CACNA2D3: variants seen among roughly 807,000 people sequenced by gnomAD.
CACNA2D3 encodes the protein voltage-dependent calcium channel subunit alpha-2/delta-3.
Under a neutral mutation model 160.6 loss-of-function variants are expected in CACNA2D3, and 60 were observed. That is an observed-to-expected ratio of 0.37 (90% CI 0.30 to 0.46). The LOEUF (loss-of-function observed/expected upper bound fraction) is 0.46, where lower values mean the gene tolerates loss of function less well. Among genes scored for constraint, CACNA2D3 ranks in the 20% least tolerant of loss-of-function variants. The pLI is 1.00. For missense variants in CACNA2D3, 1,205 were observed against 1,365.0 expected, an observed-to-expected ratio of 0.88 and a Z score of 1.85; for synonymous variants, 558 against 492.9, an observed-to-expected ratio of 1.13 and a Z score of -1.75.
chr3:54,926,003 C>T (rs1701003518), intron 27 of CACNA2D3, among the ~76,000 whole-genome samples: 1 of 152,162 alleles, frequency 6.6e-6, no homozygotes, highest in South Asian at 2.1e-4. Flanking sequence ...GCAAGTCCTT[C>T]ATGGGTTATT....
intron 27 of CACNA2D3, among the ~76,000 whole-genome samples, chr3:54,948,745 G>A (rs1034134218): frequency 1.5e-4 from 23 of 152,272 alleles, no homozygotes; most frequent in African/African-American, 5.1e-4. Context: ...CTGCATGGAG[G>A]TGCTTATGTG....
At chr3:54,460,156 A>G (rs1308642688) in intron 4 of CACNA2D3, among the ~76,000 whole-genome samples, 6 of 151,748 alleles carry the variant, frequency 4.0e-5, no homozygotes, top group African/African-American at 7.3e-5. Flanking sequence ...TACCAGTACC[A>G]TGCTGTTTTG....
intron 5 of CACNA2D3, among the ~76,000 whole-genome samples, chr3:54,505,690 C>T (rs1294553189): frequency 2.0e-5 from 3 of 152,160 alleles, no homozygotes; most frequent in African/African-American, 7.2e-5. Flanking sequence ...TTTTACAGAG[C>T]AATTTCAGAC....
In CACNA2D3 at chr3:54,149,877, G is replaced by GTGTCTCTCTCTCTCTCTCTC. The variant is rs757018890; in HGVS notation, c.204+26284_204+26285insGTCTCTCTCTCTCTCTCTCT. On this transcript the variant is annotated intron_variant, in intron 2 of 37. Coordinates refer to ENST00000474759, the MANE Select transcript of CACNA2D3 (RefSeq NM_018398.3). ...TAGTAACAGAGAGGGCTGTCCTGAA[G>GTGTCTCTCTCTCTCTCTCTC]TATCTGTCTCTCTCTCTCTCTCTCT... Among the ~76,000 whole-genome samples the GTGTCTCTCTCTCTCTCTCTC allele has an allele frequency of 7.6e-5, 8 of 105,884 alleles. 1 individual carries two copies. Among genetic ancestry groups the GTGTCTCTCTCTCTCTCTCTC allele is most frequent in the Admixed American group, 1.0e-4 (1 of 9,768 alleles). 69.5% of individuals were successfully genotyped at this position (105,884 alleles called of 152,430 possible).
chr3:54,717,975 T>C (rs1559557814), intron 11 of CACNA2D3, among the ~76,000 whole-genome samples: 1 of 152,348 alleles, frequency 6.6e-6, no homozygotes, highest in East Asian at 1.9e-4. Flanking sequence ...AGTTTTCATA[T>C]GTATATTAGA....
At chr3:54,372,970 G>A (rs1382510885) in intron 3 of CACNA2D3, among the ~76,000 whole-genome samples, 1 of 152,172 alleles carries the variant, frequency 6.6e-6, no homozygotes, top group Non-Finnish European at 1.5e-5. Flanking sequence ...CATAACCCAG[G>A]CCCTTGTTTG....
Position 55,073,574 on chromosome 3 carries a change from A to C in CACNA2D3, c.3100+17A>C, listed in dbSNP as rs1704866165. ...AAATCAGGTATATCCTTTTGTGTGC[A>C]GGTCCACTCACTACCACGGAAACCA... On this transcript the variant is annotated intron_variant, in intron 36 of 37. Transcript: ENST00000474759. 6.3e-7 allele frequency: 1 copy of C among 1,587,814 alleles called. No homozygotes were observed. The highest frequency in any genetic ancestry group is 8.6e-7 in the Non-Finnish European group (1 of 1,156,160).
intron 5 of CACNA2D3, among the ~76,000 whole-genome samples, chr3:54,557,298 G>A (rs1450816638): frequency 6.6e-6 from 1 of 152,134 alleles, no homozygotes; most frequent in East Asian, 1.9e-4. Flanking sequence ...TCTTGCAGAA[G>A]CATAATTTTA....
chr3:54,344,072 T>A (rs1698412814), intron 3 of CACNA2D3, among the ~76,000 whole-genome samples: 1 of 152,186 alleles, frequency 6.6e-6, no homozygotes, highest in Non-Finnish European at 1.5e-5. Context: ...TTGCTGCAAA[T>A]TATCTCACCA....
At chr3:54,874,990 G>A (rs1699625133) in intron 18 of CACNA2D3, 1 of 152,266 alleles carries the variant, frequency 6.6e-6, no homozygotes, top group East Asian at 1.9e-4. Flanking sequence ...AATCCCTTCT[G>A]TTGTGGTAAA....
intron 4 of CACNA2D3, among the ~76,000 whole-genome samples, chr3:54,421,903 C>CA (rs1699841202): frequency 6.6e-6 from 1 of 151,996 alleles, no homozygotes; most frequent in African/African-American, 2.4e-5. Context: ...CCTGTGTTTC[C>CA]AACAGCAGGT....
chr3:54,285,921 CCATCTGTACGT>C (rs1703010732), intron 2 of CACNA2D3, among the ~76,000 whole-genome samples: 1 of 152,152 alleles, frequency 6.6e-6, no homozygotes, highest in African/African-American at 2.4e-5. Context: ...CACCAAAAAC[CCATCTGTACGT>C]CACCATCATC....
chr3:54,130,832 T>C (rs1699691062), intron 2 of CACNA2D3, among the ~76,000 whole-genome samples: 2 of 152,202 alleles, frequency 1.3e-5, no homozygotes, highest in Admixed American at 1.3e-4. Context: ...TCAGAAACAA[T>C]TAAAGCCTGG....
intron 2 of CACNA2D3, among the ~76,000 whole-genome samples, chr3:54,249,726 C>T (rs921344005): frequency 1.1e-4 from 16 of 150,766 alleles, no homozygotes; most frequent in African/African-American, 2.4e-4. Flanking sequence ...CTGGTTCAAC[C>T]GTAATACACA....
chr3:54,803,942 A>G (rs1234911264), intron 13 of CACNA2D3, among the ~76,000 whole-genome samples: 2 of 152,204 alleles, frequency 1.3e-5, no homozygotes, highest in Non-Finnish European at 2.9e-5. Context: ...AGAATTTCAT[A>G]TCCAGTCAAA....
intron 3 of CACNA2D3, among the ~76,000 whole-genome samples, chr3:54,357,775 G>A (rs1698674435): frequency 6.6e-6 from 1 of 152,220 alleles, no homozygotes. Context: ...AGACCTGGAG[G>A]AAATTCGAAT....
chr3:54,422,834 T>C (rs904437316), intron 4 of CACNA2D3, among the ~76,000 whole-genome samples: 1 of 152,080 alleles, frequency 6.6e-6, no homozygotes, highest in Non-Finnish European at 1.5e-5. Context: ...ACAGAAACAC[T>C]AACTAACACA....
chr3:54,980,045 A>C (rs1381413009), intron 29 of CACNA2D3, among the ~76,000 whole-genome samples: 1 of 152,210 alleles, frequency 6.6e-6, no homozygotes. Context: ...AACTATATAA[A>C]TATATCCCAA....
intron 35 of CACNA2D3, among the ~76,000 whole-genome samples, chr3:55,068,712 GACC>G (rs1704727011): frequency 1.3e-5 from 2 of 152,122 alleles, no homozygotes; most frequent in African/African-American, 4.8e-5. Context: ...GTGCCAAGAA[GACC>G]ACCGAGTGGA....
Sources: gnomAD v4.1 joint callset for allele counts (sites outside exome capture counted in the v4.1 genomes callset) on GRCh38, gnomAD v4.1.1 for gene constraint, MANE v1.5 for transcripts, NCBI Gene and HGNC (gene_info 2026-07-23, HGNC 2026-07-21) for gene names.